Variants in ABCA4 observed in about 807,000 individuals in gnomAD.
ABCA4 encodes retinal-specific phospholipid-transporting ATPase ABCA4.
ABCA4 carries 196 observed loss-of-function variants against 263.7 expected under a neutral mutation model. That is an observed-to-expected ratio of 0.74 (90% CI 0.66 to 0.84). The LOEUF is 0.84. Among genes scored for constraint, ABCA4 ranks in the 40% least tolerant of loss-of-function variants. The pLI is 0.00. For synonymous variants in ABCA4, 1,133 were observed against 1,094.2 expected (o/e 1.04, Z -0.70); for missense variants, 2,792 against 2,855.1 (o/e 0.98, Z 0.50).
intron 49 of ABCA4, 118 bp downstream of exon 49, chr1:93,995,991 G>T: frequency 1.2e-6 from 1 of 849,852 alleles, no homozygotes; most frequent in Non-Finnish European, 1.9e-6. Context: ...CGTGGTGTGG[G>T]TGGGGCTCTC....
chr1:94,103,240 C>G, intron 4 of ABCA4, 98 bp from the exon 5 acceptor site: 3 of 1,480,410 alleles, frequency 2.0e-6, no homozygotes, highest in Non-Finnish European at 9.3e-7. Context: ...TAACTCAACT[C>G]TCAGAGGAAG....
At chr1:94,056,530 G>A in intron 15 of ABCA4, 71 bp downstream of exon 15, 1 of 1,504,914 alleles carries the variant, frequency 6.6e-7, no homozygotes, top group Non-Finnish European at 9.1e-7. Flanking sequence ...GGGCAGGCTG[G>A]GCCTCCAGGA....
chr1:94,019,498 C>A (rs1659832496), intron 36 of ABCA4, 84 bp downstream of exon 36: 2 of 1,459,866 alleles, frequency 1.4e-6, no homozygotes, highest in African/African-American at 1.4e-5. Context: ...GAACCCCTCC[C>A]CTCTTGGTCT....
intron 11 of ABCA4, among the ~76,000 whole-genome samples, chr1:94,067,166 A>G (rs1460898859): frequency 6.6e-6 from 1 of 152,232 alleles, no homozygotes; most frequent in Non-Finnish European, 1.5e-5. Flanking sequence ...ATAAACTAGG[A>G]GAAATTAATA....
intron 3 of ABCA4, among the ~76,000 whole-genome samples, chr1:94,110,535 T>C (rs58902615): frequency 0.014 from 2,121 of 152,328 alleles, 56 homozygotes; most frequent in African/African-American, 0.048. Flanking sequence ...CCTTTGCTGG[T>C]GGCCTTCAGG....
chr1:94,001,698 A>G (rs916536271), intron 45 of ABCA4, 160 bp downstream of exon 45: 1 of 1,093,960 alleles, frequency 9.1e-7, no homozygotes, highest in Non-Finnish European at 1.3e-6. Flanking sequence ...GTGTGAACCA[A>G]ACACTGGGCT....
intron 3 of ABCA4, 87 bp downstream of exon 3, chr1:94,111,351 C>G (rs773612799): frequency 6.5e-7 from 1 of 1,536,396 alleles, no homozygotes; most frequent in Non-Finnish European, 8.9e-7. Flanking sequence ...ACTCAGTGCT[C>G]CATGCTCCGT....
intron 5 of ABCA4, 45 bp downstream of exon 5, chr1:94,102,970 G>T: frequency 6.2e-7 from 1 of 1,613,688 alleles, no homozygotes; most frequent in Non-Finnish European, 8.5e-7. Context: ...CAGGCTGGGT[G>T]CTTCCCTCCC....
rs767802649 is a variant in ABCA4 at position 94,062,814 on chromosome 1, C to G, written c.1761-61G>C. The G allele has an allele frequency of 5.2e-6, 8 of 1,543,168 alleles. No individual in the cohort carries two copies. The African/African-American group carries it at 1.1e-4, about 21-fold the overall frequency. On this transcript the variant is annotated intron_variant, in intron 12 of 49. Transcript: ENST00000370225. ...GCTTGGATAGCTCACTCACACCTCC[C>G]GACCACAGGGTGACTCGGAACTCAT...
In ABCA4 at chr1:94,042,877, G is replaced by GAC. The variant is rs387906385; in HGVS notation, c.3210_3211dup (p.Ser1071CysfsTer14). The GAC allele has an allele frequency of 4.0e-5, 64 of 1,614,056 alleles. No individual in the cohort carries two copies. The highest frequency in any genetic ancestry group is 5.3e-5 in the Non-Finnish European group (63 of 1,180,050). The stretch of plus-strand genomic sequence containing the variant: ...ATCTCCCACAAAGGCAATGGCAACC[G>GAC]ACAGCTTTCTCTGCATGCCACCTGG... On this transcript the variant is annotated frameshift_variant, in exon 22 of 50. Coordinates refer to ENST00000370225, the MANE Select transcript of ABCA4 (RefSeq NM_000350.3). LOFTEE classifies it high-confidence loss of function.
chr1:94,082,631 A>T (rs1661732115), intron 7 of ABCA4, among the ~76,000 whole-genome samples: 1 of 152,206 alleles, frequency 6.6e-6, no homozygotes, highest in South Asian at 2.1e-4. Flanking sequence ...AGCCCAAGTC[A>T]GCTGCGAATA....
At chr1:94,006,112 C>A (rs188336778) in intron 43 of ABCA4, among the ~76,000 whole-genome samples, 1 of 152,252 alleles carries the variant, frequency 6.6e-6, no homozygotes, top group African/African-American at 2.4e-5. Flanking sequence ...AATATATTCA[C>A]CCCCACTAAA....
At chr1:93,994,820 A>C (rs762201089) in intron 49 of ABCA4, among the ~76,000 whole-genome samples, 4 of 152,174 alleles carry the variant, frequency 2.6e-5, no homozygotes, top group Non-Finnish European at 4.4e-5. Flanking sequence ...TAGATCACAG[A>C]ACATCAGCAC....
intron 11 of ABCA4, among the ~76,000 whole-genome samples, chr1:94,077,091 C>A (rs1661554785): frequency 6.6e-6 from 1 of 152,168 alleles, no homozygotes. Context: ...TGTGTAAAAG[C>A]AGTTGGCACA....
At chr1:94,047,360 T>C (rs1251512880) in intron 18 of ABCA4, among the ~76,000 whole-genome samples, 1 of 152,184 alleles carries the variant, frequency 6.6e-6, no homozygotes, top group Non-Finnish European at 1.5e-5. Flanking sequence ...GGGTAGACAT[T>C]TATTAGGCTC....
rs372541116 is a variant in ABCA4 at position 94,037,595 on chromosome 1, C to A, written c.3608-245G>T. Among the ~76,000 whole-genome samples the A allele has an allele frequency of 4.6e-5, 7 of 150,952 alleles. No individual in the cohort carries two copies. In the East Asian group the frequency reaches 5.9e-4, roughly 13 times the overall value. ...TCCTCCCGACTAGCTAGCTGTGCAA[C>A]CTGGGGGCGGAGGTTGGTGGGGGGG... On this transcript the variant is annotated intron_variant, in intron 24 of 49. Coordinates refer to ENST00000370225, the MANE Select transcript of ABCA4 (RefSeq NM_000350.3).
intron 6 of ABCA4, among the ~76,000 whole-genome samples, chr1:94,084,574 T>C (rs1166881396): frequency 6.6e-6 from 1 of 152,148 alleles, no homozygotes; most frequent in Non-Finnish European, 1.5e-5. Context: ...AGAATAAATG[T>C]AGGTACACTC....
chr1:94,099,330 G>A (rs1557803948), intron 5 of ABCA4, among the ~76,000 whole-genome samples: 2 of 152,182 alleles, frequency 1.3e-5, no homozygotes, highest in Non-Finnish European at 2.9e-5. Context: ...GAGGCTGAAG[G>A]AGGCAGGAAA....
intron 7 of ABCA4, among the ~76,000 whole-genome samples, chr1:94,081,316 C>T (rs930086105): frequency 1.3e-5 from 2 of 152,042 alleles, no homozygotes; most frequent in Admixed American, 6.6e-5. Flanking sequence ...TATTTGAATT[C>T]GTTGGGAATG....
Sources: gnomAD v4.1 joint callset for allele counts (sites outside exome capture counted in the v4.1 genomes callset) on GRCh38, gnomAD v4.1.1 for gene constraint, MANE v1.5 for transcripts, NCBI Gene and HGNC (gene_info 2026-07-23, HGNC 2026-07-21) for gene names.